The following OXR1 variants were observed in gnomAD, a reference collection of about 807,000 sequenced individuals.
The protein encoded by OXR1 is oxidation resistance protein 1.
OXR1 carries 41 observed loss-of-function variants against 104.6 expected under a neutral mutation model. That is an observed-to-expected ratio of 0.39 (90% CI 0.31 to 0.51). The LOEUF is 0.51. OXR1 is among the 20% of genes least tolerant of loss of function. The pLI is 0.77. For synonymous variants in OXR1, 348 were observed against 348.4 expected, an observed-to-expected ratio of 1.00 and a Z score of 0.01; for missense variants, 955 against 1,031.9, an observed-to-expected ratio of 0.93 and a Z score of 1.02.
chr8:106,462,967 C>T (rs1325604385), intron 2 of OXR1, among the ~76,000 whole-genome samples: 1 of 152,090 alleles, frequency 6.6e-6, no homozygotes, highest in Non-Finnish European at 1.5e-5. Context: ...TTCTTTATTA[C>T]ACCTCATTGT....
rs187481572 is a variant in OXR1, at chr8:106,654,891, G to A, written c.221-24319G>A. On this transcript the variant is annotated intron_variant, in intron 3 of 16. Transcript: ENST00000517566. ...CCTACATTATTCACAATAGCTGCAA[G>A]GTATGAACAATCCAAATATCCATCA... Among the ~76,000 whole-genome samples, 6 of 152,210 alleles carry A rather than the reference G, an allele frequency of 3.9e-5. No homozygotes were observed. In the East Asian group the frequency reaches 7.7e-4, roughly 20 times the overall value.
At chr8:106,558,260 A>G (rs1816430563) in intron 3 of OXR1, among the ~76,000 whole-genome samples, 1 of 152,206 alleles carries the variant, frequency 6.6e-6, no homozygotes, top group African/African-American at 2.4e-5. Flanking sequence ...TCGTATTGCT[A>G]TGTACCAAAG....
At chr8:106,651,210 T>C (rs1824542231) in intron 3 of OXR1, among the ~76,000 whole-genome samples, 1 of 152,216 alleles carries the variant, frequency 6.6e-6, no homozygotes, top group East Asian at 1.9e-4. Context: ...GGCTTGAAAC[T>C]TTTTGATCTT....
chr8:106,728,836 A>G (rs1026217355), intron 11 of OXR1, among the ~76,000 whole-genome samples: 3 of 152,216 alleles, frequency 2.0e-5, no homozygotes, highest in African/African-American at 7.2e-5. Context: ...GTCATTAAAT[A>G]GCATCAGTGT....
chr8:106,667,440 C>T (rs144756887), intron 3 of OXR1, among the ~76,000 whole-genome samples: 60 of 152,202 alleles, frequency 3.9e-4, no homozygotes, highest in African/African-American at 1.4e-3. Context: ...AAAAGAAATG[C>T]ATGTTTAAGT....
intron 1 of OXR1, among the ~76,000 whole-genome samples, chr8:106,271,101 G>T (rs1389985938): frequency 6.6e-6 from 1 of 152,086 alleles, no homozygotes; most frequent in Admixed American, 6.5e-5. Context: ...AAGAGGGGGG[G>T]AGCTGTGCAG....
intron 11 of OXR1, among the ~76,000 whole-genome samples, chr8:106,723,497 CAA>C (rs550424646): frequency 2.7e-4 from 26 of 95,654 alleles, no homozygotes; most frequent in African/African-American, 2.7e-4. Context: ...GCCTCTGTCT[CAA>C]AAAAAAAAAA....
intron 2 of OXR1, among the ~76,000 whole-genome samples, chr8:106,444,009 C>A (rs1262065399): frequency 1.3e-5 from 2 of 152,028 alleles, no homozygotes; most frequent in Non-Finnish European, 2.9e-5. Context: ...AAAAAACAAA[C>A]AACTCCATCA....
chr8:106,542,002 T>C (rs904536532), intron 3 of OXR1, among the ~76,000 whole-genome samples: 6 of 152,178 alleles, frequency 3.9e-5, no homozygotes, highest in African/African-American at 1.2e-4. Flanking sequence ...GGCTCAGACA[T>C]GTTAAGGAGC....
intron 1 of OXR1, among the ~76,000 whole-genome samples, chr8:106,291,503 CA>C (rs1199958348): frequency 1.3e-5 from 2 of 152,038 alleles, no homozygotes; most frequent in Admixed American, 6.6e-5. Context: ...ACAAACAAAA[CA>C]AAAAAACAAG....
chr8:106,508,606 C>T (rs915208166), intron 2 of OXR1, among the ~76,000 whole-genome samples: 3 of 152,130 alleles, frequency 2.0e-5, no homozygotes, highest in African/African-American at 4.8e-5. Flanking sequence ...TTTTAAAAAC[C>T]ACAAAATGTC....
intron 1 of OXR1, among the ~76,000 whole-genome samples, chr8:106,286,359 T>G (rs1812500368): frequency 6.9e-6 from 1 of 144,492 alleles, no homozygotes; most frequent in Non-Finnish European, 1.5e-5. Context: ...CTATTTAAGC[T>G]AATTTAAGTT....
At chr8:106,283,305 C>A (rs752771141) in intron 1 of OXR1, among the ~76,000 whole-genome samples, 4 of 152,136 alleles carry the variant, frequency 2.6e-5, no homozygotes, top group Non-Finnish European at 4.4e-5. Flanking sequence ...TATCAGGAGG[C>A]CTAGGCTTTA....
At chr8:106,656,881 T>C (rs1444310760) in intron 3 of OXR1, among the ~76,000 whole-genome samples, 2 of 151,662 alleles carry the variant, frequency 1.3e-5, no homozygotes, top group Non-Finnish European at 2.9e-5. Flanking sequence ...TTTAGTAGTA[T>C]GGCCAAAAGC....
At chr8:106,618,086 A>G in intron 3 of OXR1, 1 of 1,535,766 alleles carries the variant, frequency 6.5e-7, no homozygotes, top group South Asian at 1.2e-5. Context: ...TGAGAAGCAC[A>G]GGAATCAAAA....
rs1391000755 is a variant in OXR1, at chr8:106,706,593, C to A, written c.1072C>A (p.Arg358=). ...REELVSSDEL[R]QDKSSGASSE... ...GGAGCTTGTATCTTCAGATGAACTG[C>A]GACAAGATAAATCTTCTGGTGCGTC... The change falls in exon 9 of 17, where the codon CGA becomes AGA. Residue 358 remains arginine (R), a synonymous_variant. Transcript: ENST00000517566. 21 of 1,612,538 alleles carry A rather than the reference C, an allele frequency of 1.3e-5. No homozygotes were observed. Among genetic ancestry groups the A allele is most frequent in the Non-Finnish European group, 1.8e-5 (21 of 1,179,650 alleles).
chr8:106,326,707 C>T (rs1814483974), intron 1 of OXR1, among the ~76,000 whole-genome samples: 1 of 151,990 alleles, frequency 6.6e-6, no homozygotes, highest in African/African-American at 2.4e-5. Flanking sequence ...AGTGCAAGGA[C>T]CATGAGGTGG....
intron 2 of OXR1, among the ~76,000 whole-genome samples, chr8:106,475,586 T>C (rs1449966971): frequency 6.6e-6 from 1 of 151,990 alleles, no homozygotes; most frequent in African/African-American, 2.4e-5. Context: ...TAAAAATGTT[T>C]CTGTACTGTA....
chr8:106,348,146 G>A (rs911189912), intron 1 of OXR1, among the ~76,000 whole-genome samples: 7 of 152,170 alleles, frequency 4.6e-5, no homozygotes, highest in Non-Finnish European at 1.0e-4. Flanking sequence ...GGTCATGGAT[G>A]CATTTAGTTT....
Sources: gnomAD v4.1 joint callset for allele counts (sites outside exome capture counted in the v4.1 genomes callset) on GRCh38, gnomAD v4.1.1 for gene constraint, MANE v1.5 for transcripts, NCBI Gene and HGNC (gene_info 2026-07-23, HGNC 2026-07-21) for gene names.